The following PTPRN2 variants were observed in gnomAD, a reference collection of about 807,000 sequenced individuals.
PTPRN2 encodes the protein protein tyrosine phosphatase receptor type N2.
PTPRN2 carries 74 observed loss-of-function variants against 118.8 expected under a neutral mutation model. The observed-to-expected ratio is 0.62, with a 90% CI of 0.52 to 0.76. The LOEUF (loss-of-function observed/expected upper bound fraction) is 0.76. Ranked by LOEUF, PTPRN2 falls within the 30% of genes least tolerant of loss-of-function variation. PTPRN2 has a pLI of 0.00. For missense variants in PTPRN2, 1,481 were observed against 1,394.4 expected (o/e 1.06, Z -0.99); for synonymous variants, 641 against 608.0 (o/e 1.05, Z -0.80).
chr7:158,170,760 CGGTTTGAGGTCCCCAA>C (rs1823469950), intron 5 of PTPRN2, among the ~76,000 whole-genome samples: 1 of 152,118 alleles, frequency 6.6e-6, no homozygotes, highest in Non-Finnish European at 1.5e-5. Flanking sequence ...GGCTCTTTCA[CGGTTTGAGGTCCCCAA>C]GGAAAAGGAA....
chr7:157,877,682 C>T (rs1584934261), intron 12 of PTPRN2, among the ~76,000 whole-genome samples: 2 of 152,168 alleles, frequency 1.3e-5, no homozygotes, highest in East Asian at 1.9e-4. Context: ...AGAAGGTGTT[C>T]CTAACAGTGG....
chr7:157,800,636 T>C (rs1203102667), intron 12 of PTPRN2, among the ~76,000 whole-genome samples: 1 of 151,390 alleles, frequency 6.6e-6, no homozygotes, highest in Non-Finnish European at 1.5e-5. Flanking sequence ...AGAAAGAGGT[T>C]CTTTGCTTTT....
intron 6 of PTPRN2, among the ~76,000 whole-genome samples, chr7:158,157,713 C>T (rs10261447): frequency 1.3e-5 from 2 of 152,000 alleles, no homozygotes; most frequent in Admixed American, 6.5e-5. Context: ...TGCAGTGAGA[C>T]GAACCCTGTT....
intron 10 of PTPRN2, among the ~76,000 whole-genome samples, chr7:158,104,016 C>A (rs1815460952): frequency 1.3e-5 from 2 of 152,256 alleles, no homozygotes; most frequent in South Asian, 4.2e-4. Context: ...CACCTGCCAC[C>A]ATGCCCGACT....
intron 7 of PTPRN2, among the ~76,000 whole-genome samples, chr7:158,137,529 G>T (rs1307928183): frequency 1.3e-5 from 2 of 152,142 alleles, no homozygotes; most frequent in Admixed American, 6.5e-5. Context: ...GCACACCAGG[G>T]CCTCCTGCAT....
At chr7:158,037,001 C>T (rs1231158296) in intron 11 of PTPRN2, among the ~76,000 whole-genome samples, 1 of 152,118 alleles carries the variant, frequency 6.6e-6, no homozygotes, top group Non-Finnish European at 1.5e-5. Flanking sequence ...AACTGCCAAT[C>T]AAGCAATTAT....
intron 2 of PTPRN2, among the ~76,000 whole-genome samples, chr7:158,333,897 C>G (rs1341530359): frequency 7.0e-6 from 1 of 143,848 alleles, no homozygotes; most frequent in Non-Finnish European, 1.5e-5. Flanking sequence ...TAAGAGCTGA[C>G]ACCCGCAGAC....
chr7:158,317,405 G>C (rs561620515), intron 2 of PTPRN2, among the ~76,000 whole-genome samples: 1 of 152,388 alleles, frequency 6.6e-6, no homozygotes, highest in South Asian at 2.1e-4. Context: ...TGGGAGGCAA[G>C]CACGGCTTCC....
intron 2 of PTPRN2, among the ~76,000 whole-genome samples, chr7:158,392,593 G>C (rs1487384520): frequency 1.3e-5 from 2 of 152,160 alleles, no homozygotes; most frequent in African/African-American, 4.8e-5. Flanking sequence ...TTGTGTCCGT[G>C]GGGGAGGAGT....
chr7:158,190,505 T>C (rs2150698442), intron 5 of PTPRN2, among the ~76,000 whole-genome samples: 1 of 152,354 alleles, frequency 6.6e-6, no homozygotes, highest in African/African-American at 2.4e-5. Flanking sequence ...CCAGTGGTCC[T>C]GATGGGAGGT....
intron 7 of PTPRN2, among the ~76,000 whole-genome samples, chr7:158,137,108 GT>G (rs1204941078): frequency 6.6e-6 from 1 of 152,162 alleles, no homozygotes; most frequent in Non-Finnish European, 1.5e-5. Context: ...TTTCACTGTG[GT>G]CAGCGTTTCT....
intron 2 of PTPRN2, among the ~76,000 whole-genome samples, chr7:158,420,418 T>C (rs1405790648): frequency 1.3e-5 from 2 of 152,190 alleles, no homozygotes; most frequent in Non-Finnish European, 2.9e-5. Context: ...GGCTTTGTCT[T>C]TTCCTGGGCT....
At chr7:158,170,743 G>A (rs1050341986) in intron 5 of PTPRN2, among the ~76,000 whole-genome samples, 10 of 152,254 alleles carry the variant, frequency 6.6e-5, no homozygotes, top group Non-Finnish European at 1.0e-4. Context: ...GTATTCTCAC[G>A]CTGACTGGCT....
intron 3 of PTPRN2, among the ~76,000 whole-genome samples, chr7:158,300,140 T>C (rs1256217610): frequency 6.6e-6 from 1 of 152,184 alleles, no homozygotes; most frequent in African/African-American, 2.4e-5. Context: ...TCTGAAATGA[T>C]GATATGGGTC....
At chr7:157,839,831 C>G (rs1808241561) in intron 12 of PTPRN2, among the ~76,000 whole-genome samples, 1 of 147,234 alleles carries the variant, frequency 6.8e-6, no homozygotes, top group African/African-American at 2.5e-5. Flanking sequence ...GACTGTGTGG[C>G]CACGTGTGAC....
rs549954537 is a variant in PTPRN2, at chr7:157,673,912, C to T, written c.2001+8813G>A. On this transcript the variant is annotated intron_variant, in intron 13 of 22. Coordinates refer to ENST00000389418, the MANE Select transcript of PTPRN2 (RefSeq NM_002847.5). The stretch of plus-strand genomic sequence containing the variant: ...AGTCCTTCACAAAGGCAGACTGGGC[C>T]GACTCTGATGTAAGATCAAGTTCTC... Among the ~76,000 whole-genome samples the T allele has an allele frequency of 6.1e-4, 93 of 152,282 alleles. No homozygotes were observed. The South Asian group carries it at 0.013, about 21-fold the overall frequency.
intron 3 of PTPRN2, among the ~76,000 whole-genome samples, chr7:158,233,120 G>T (rs1385861054): frequency 6.6e-6 from 1 of 152,020 alleles, no homozygotes; most frequent in Non-Finnish European, 1.5e-5. Context: ...AAATTGGAAA[G>T]GAAAAAGTCA....
intron 11 of PTPRN2, among the ~76,000 whole-genome samples, chr7:158,004,215 G>A (rs1805488488): frequency 6.6e-6 from 1 of 152,108 alleles, no homozygotes; most frequent in African/African-American, 2.4e-5. Context: ...GAAGTAGGCA[G>A]GGTCTAGGGG....
At chr7:157,661,017 G>C (rs1049665311) in intron 13 of PTPRN2, among the ~76,000 whole-genome samples, 1 of 152,240 alleles carries the variant, frequency 6.6e-6, no homozygotes, top group Non-Finnish European at 1.5e-5. Context: ...GCCTCGCAAA[G>C]TGTTGGGATT....
Sources: allele counts gnomAD v4.1 joint callset (sites outside exome capture counted in the v4.1 genomes callset), GRCh38; gene constraint gnomAD v4.1.1; transcripts MANE v1.5; gene names NCBI Gene and HGNC (gene_info 2026-07-23, HGNC 2026-07-21).